The following MYH9 variants were observed in gnomAD, a reference collection of about 807,000 sequenced individuals.
The protein encoded by MYH9 is myosin heavy chain 9.
MYH9 carries 29 observed loss-of-function variants against 241.9 expected under a neutral mutation model. The ratio of observed to expected loss-of-function variants is 0.12; its 90% confidence interval spans 0.09 to 0.16. The LOEUF (loss-of-function observed/expected upper bound fraction) is 0.16, where lower values mean the gene tolerates loss of function less well. Ranked by LOEUF, MYH9 falls within the 10% of genes least tolerant of loss-of-function variation. The probability of loss-of-function intolerance (pLI) is 1.00; values close to 1 mark genes in which losing one functional copy is unlikely to be tolerated. For synonymous variants in MYH9, 1,047 were observed against 1,062.6 expected, an observed-to-expected ratio of 0.99 and a Z score of 0.29; for missense variants, 1,803 against 2,595.5, an observed-to-expected ratio of 0.69 and a Z score of 6.63.
chr22:36,311,910 G>T, intron 14 of MYH9, 139 bp downstream of exon 14: 1 of 955,122 alleles, frequency 1.0e-6, no homozygotes, highest in Non-Finnish European at 1.7e-6. Context: ...CCACATTACT[G>T]GGTGAGTCAT....
chr22:36,284,453 G>C lies in MYH9; in HGVS notation c.5542C>G (p.Leu1848Val), dbSNP rs201174456. ...RRTEKKLKDV[L>V]LQVDDERRNA... ...CTCCGCTCGTCATCCACCTGCAGCA[G>C]CACATCCTTCAGCTTCTTCTCGGTC... is the stretch of plus-strand genomic sequence containing the variant. Residue 1848 changes from leucine to valine, a missense_variant, in exon 39 of 41, where the codon CTG (leucine) becomes GTG (valine). Transcript: ENST00000216181. 2.5e-4 allele frequency: 410 copies of C among 1,613,400 alleles called. 2 individuals are homozygous for C. Among genetic ancestry groups the C allele is most frequent in the Non-Finnish European group, 4.5e-5 (53 of 1,180,048 alleles).
chr22:36,284,442 C>T lies in MYH9; in HGVS notation c.5553G>A (p.Val1851=). 5 of 1,613,512 alleles carry T rather than the reference C, an allele frequency of 3.1e-6. No individual in the cohort carries two copies. Among genetic ancestry groups the T allele is most frequent in the Non-Finnish European group, 4.2e-6 (5 of 1,180,044 alleles). Residue 1851 remains valine, a synonymous_variant, in exon 39 of 41, where the codon GTG becomes GTA. Coordinates refer to ENST00000216181, the MANE Select transcript of MYH9 (RefSeq NM_002473.6). Reference sequence around the variant, plus strand: ...GCTCGGCGTTCCTCCGCTCGTCATCCACCTGCAGCAGCACATCCTTCAGCT... The same window carrying T: ...GCTCGGCGTTCCTCCGCTCGTCATCTACCTGCAGCAGCACATCCTTCAGCT... ...EKKLKDVLLQ[V]DDERRNAEQY...
rs1307019542 is a variant in MYH9 at position 36,292,046 on chromosome 22, G to A, written c.4284C>T (p.Asp1428=). 7 of 1,614,176 alleles carry A rather than the reference G, an allele frequency of 4.3e-6. No individual in the cohort carries two copies. The highest frequency in any genetic ancestry group is 5.1e-6 in the Non-Finnish European group (6 of 1,180,038). ...LQQELDDLLV[D]LDHQRQSACN... ...ACGCGCTCTGGCGCTGGTGGTCCAGGTCCACCAGCAGGTCGTCCAGCTCCT... is the reference window on the plus strand; with the variant it reads ...ACGCGCTCTGGCGCTGGTGGTCCAGATCCACCAGCAGGTCGTCCAGCTCCT... The change falls in exon 31 of 41, where the codon GAC becomes GAT. Residue 1428 remains aspartate (D), a synonymous_variant. Transcript: ENST00000216181.
At chr22:36,374,034 T>C (rs1392076567) in intron 1 of MYH9, among the ~76,000 whole-genome samples, 3 of 151,560 alleles carry the variant, frequency 2.0e-5, no homozygotes, top group Non-Finnish European at 4.4e-5. Context: ...CAATAATGCT[T>C]GTGCAATAAA....
rs933717458 is a variant in MYH9 at position 36,291,974 on chromosome 22, A to G, written c.4344+12T>C. The G allele has an allele frequency of 9.3e-6, 15 of 1,614,004 alleles. No individual in the cohort carries two copies. In the African/African-American group the frequency reaches 1.7e-4, roughly 19 times the overall value. The stretch of plus-strand genomic sequence containing the variant: ...AGAGGAAATGCAAAGGATGGGGCCA[A>G]CGGCCACACACCTGGTCAAACTTCT... On this transcript the variant is annotated intron_variant, in intron 31 of 40. Transcript: ENST00000216181.
At chr22:36,368,854 C>T (rs2018049835) in intron 1 of MYH9, among the ~76,000 whole-genome samples, 1 of 148,204 alleles carries the variant, frequency 6.7e-6, no homozygotes. Flanking sequence ...AAGCCTGCCC[C>T]GTCCGCGATA....
Position 36,304,155 on chromosome 22 carries a change from T to C in MYH9, c.2230A>G (p.Ile744Val). The change falls in exon 19 of 41, where the codon ATA becomes GTA. Residue 744 changes from isoleucine to valine, a missense_variant and splice_region_variant. By Grantham distance (29) the Ile-to-Val change is conservative. Transcript: ENST00000216181. Reference protein sequence around the residue: ...MDGKQACVLMIKALELDSNLY... With the variant: ...MDGKQACVLMVKALELDSNLY... ...TTGCTGTCGAGCTCCAGGGCTTTTA[T>C]CTAGGTGGGAGGAGCAGGCCGTTTA... The C allele has an allele frequency of 6.2e-7, 1 of 1,613,340 alleles. No homozygotes were observed. The highest frequency in any genetic ancestry group is 8.5e-7 in the Non-Finnish European group (1 of 1,180,012).
intron 3 of MYH9, among the ~76,000 whole-genome samples, chr22:36,337,602 T>G (rs918960083): frequency 6.6e-6 from 1 of 152,222 alleles, no homozygotes; most frequent in Non-Finnish European, 1.5e-5. Context: ...AATGCTAGTA[T>G]GTCATAAGGC....
Position 36,348,840 on chromosome 22 carries a change from C to T in MYH9, c.333+64G>A, listed in dbSNP as rs1330844130. On this transcript the variant is annotated intron_variant, in intron 2 of 40. Coordinates refer to ENST00000216181, the MANE Select transcript of MYH9 (RefSeq NM_002473.6). ...GGCACGTGAGGGTGATGGGAAGACCCGCCCCCCCCCCCCACCTCGGAGCCC... is the reference window on the plus strand; with the variant it reads ...GGCACGTGAGGGTGATGGGAAGACCTGCCCCCCCCCCCCACCTCGGAGCCC... 2.1e-5 allele frequency: 16 copies of T among 745,358 alleles called. 1 individual carries two copies. Among genetic ancestry groups the T allele is most frequent in the South Asian group, 1.2e-4 (8 of 64,492 alleles). 46.2% of individuals were successfully genotyped at this position (745,358 alleles called of 1,614,324 possible). A position where few individuals can be genotyped will look rare whatever the true frequency, so the allele number is the denominator to read the frequency against.
chr22:36,320,104 C>A lies in MYH9; in HGVS notation c.1012+116G>T. On this transcript the variant is annotated intron_variant, in intron 9 of 40. Coordinates refer to ENST00000216181, the MANE Select transcript of MYH9 (RefSeq NM_002473.6). This position sits in a 1 kb window ranked among gnomAD's most constrained non-coding sequence, Gnocchi z 4.8. Reference sequence around the variant, plus strand: ...TTTTCCCATACACTGAAGGCCTTCCCCTTCCCCTGGCCTCTAGCAGGCTCC... The same window carrying A: ...TTTTCCCATACACTGAAGGCCTTCCACTTCCCCTGGCCTCTAGCAGGCTCC... 7.0e-7 allele frequency: 1 copy of A among 1,438,730 alleles called. No homozygotes were observed. The highest frequency in any genetic ancestry group is 2.3e-5 in the East Asian group (1 of 43,928). 89.1% of individuals were successfully genotyped at this position (1,438,730 alleles called of 1,614,324 possible).
rs368767177 is a variant in MYH9 at position 36,316,682 on chromosome 22, C to T, written c.1228-13G>A. On this transcript the variant is annotated splice_polypyrimidine_tract_variant and intron_variant, in intron 11 of 40. Transcript: ENST00000216181. Reference sequence around the variant, plus strand: ...TGGCAAAGTCAGCCTGCGGGGCACACCCGGGGAGCGTGGTGTCAGATACAA... The same window carrying T: ...TGGCAAAGTCAGCCTGCGGGGCACATCCGGGGAGCGTGGTGTCAGATACAA... The T allele has an allele frequency of 6.2e-7, 1 of 1,613,366 alleles. No homozygotes were observed. Among genetic ancestry groups the T allele is most frequent in the Admixed American group, 1.7e-5 (1 of 59,996 alleles).
chr22:36,306,922 G>T lies in MYH9; in HGVS notation c.1844-315C>A, dbSNP rs1427683152. On this transcript the variant is annotated intron_variant, in intron 15 of 40. Transcript: ENST00000216181. The surrounding 1 kb of genome is among the most constrained non-coding windows in gnomAD (Gnocchi z 4.1). ...TTTCCAAAAAGACTCAATGAAGCTA[G>T]TCATGTATTTTGGAATAGTGAGAAT... Among the ~76,000 whole-genome samples the T allele has an allele frequency of 1.3e-5, 2 of 152,138 alleles. No individual in the cohort carries two copies. The highest frequency in any genetic ancestry group is 1.3e-4 in the Admixed American group (2 of 15,266).
intron 18 of MYH9, 35 bp from the exon 19 acceptor site, chr22:36,304,190 C>T: frequency 6.2e-7 from 1 of 1,610,556 alleles, no homozygotes; most frequent in Non-Finnish European, 8.5e-7. Context: ...ACCTGGCCAG[C>T]AACTGGCCAC....
At chr22:36,352,893 A>G (rs769010408) in intron 1 of MYH9, among the ~76,000 whole-genome samples, 2 of 152,012 alleles carry the variant, frequency 1.3e-5, no homozygotes, top group Non-Finnish European at 2.9e-5. Context: ...GGTTTCAGCA[A>G]CTCTGCTAGA....
chr22:36,356,818 T>A (rs1412681918), intron 1 of MYH9, among the ~76,000 whole-genome samples: 1 of 151,884 alleles, frequency 6.6e-6, no homozygotes, highest in Non-Finnish European at 1.5e-5. Context: ...TGTGGTAGAG[T>A]AGACAGAAAG....
In MYH9 at chr22:36,284,196, G is replaced by A. The variant is rs578002660; in HGVS notation, c.5662C>T (p.Arg1888Trp). Residue 1888 changes from arginine to tryptophan, a missense_variant, in exon 40 of 41, where the codon CGG becomes TGG. By Grantham distance (101) the Arg-to-Trp change is moderately radical. Around this residue, in one of 11 missense-constraint regions of MYH9, gnomAD observed 876 missense variants for 1,077.8 expected, o/e 0.81. Coordinates refer to ENST00000216181, the MANE Select transcript of MYH9 (RefSeq NM_002473.6). ...QLEEAEEEAQ[R>W]ANASRRKLQR... is the part of the protein sequence containing the mutation. The stretch of plus-strand genomic sequence containing the variant: ...AGTTTCCGGCGGGAGGCGTTGGCCC[G>A]CTGGGCCTCCTCTTCGGCCTCCTCC... The A allele has an allele frequency of 1.4e-5, 23 of 1,613,520 alleles. No individual in the cohort carries two copies. The highest frequency in any genetic ancestry group is 1.2e-5 in the Non-Finnish European group (14 of 1,179,840).
chr22:36,290,698 T>C (rs1004872750), intron 31 of MYH9, among the ~76,000 whole-genome samples: 6 of 137,484 alleles, frequency 4.4e-5, no homozygotes, highest in South Asian at 2.4e-4. Flanking sequence ...ATCTAGGAGG[T>C]GAGGAGCGCC....
At chr22:36,345,540 G>A (rs1056272067) in intron 2 of MYH9, among the ~76,000 whole-genome samples, 5 of 152,180 alleles carry the variant, frequency 3.3e-5, no homozygotes, top group East Asian at 1.9e-4. Context: ...CAAGAGGAGC[G>A]CCTCCCAATC....
intron 1 of MYH9, among the ~76,000 whole-genome samples, chr22:36,367,300 T>C (rs1176353766): frequency 1.3e-5 from 2 of 152,166 alleles, no homozygotes; most frequent in Admixed American, 6.5e-5. Flanking sequence ...TCTCCTGCAC[T>C]GCTCTGGGGT....
Sources: gnomAD v4.1 joint callset for allele counts (sites outside exome capture counted in the v4.1 genomes callset) on GRCh38, gnomAD v4.1.1 for gene constraint, gnomAD v4.1.1 regional missense constraint, Gnocchi (gnomAD v3.1) non-coding constraint, MANE v1.5 for transcripts, NCBI Gene and HGNC (gene_info 2026-07-23, HGNC 2026-07-21) for gene names.